Variants in TMEM245 observed in about 807,000 individuals in gnomAD.
The protein encoded by TMEM245 is protein CG-2.
TMEM245 carries 69 observed loss-of-function variants against 101.2 expected under a neutral mutation model. That is an observed-to-expected ratio of 0.68 (90% CI 0.56 to 0.83). TMEM245 has a LOEUF of 0.83. Ranked by LOEUF, TMEM245 falls within the 40% of genes least tolerant of loss-of-function variation. The probability of loss-of-function intolerance (pLI) is 0.00; values close to 1 mark genes in which losing one functional copy is unlikely to be tolerated. For synonymous variants in TMEM245, 537 were observed against 449.8 expected (o/e 1.19, Z -2.45); for missense variants, 1,075 against 1,092.8 (o/e 0.98, Z 0.23).
At chr9:109,072,169 G>A (rs1237696435) in intron 9 of TMEM245, among the ~76,000 whole-genome samples, 3 of 150,364 alleles carry the variant, frequency 2.0e-5, no homozygotes, top group Non-Finnish European at 4.4e-5. Flanking sequence ...GAGTAGAAAA[G>A]TCTCCGAATT....
rs756089716 is a variant in TMEM245 at position 109,057,159 on chromosome 9, A to C, written c.1854+32T>G. ...GAATTACAGTTTGTTTTTATTTTGA[A>C]CTTCAGCTTAACTATAAATGCTATT... is the stretch of plus-strand genomic sequence containing the variant. On this transcript the variant is annotated intron_variant, in intron 12 of 17. Coordinates refer to ENST00000374586, the MANE Select transcript of TMEM245 (RefSeq NM_032012.4). 14 of 1,598,938 alleles carry C rather than the reference A, an allele frequency of 8.8e-6. No homozygotes were observed. In the African/African-American group the frequency reaches 1.6e-4, roughly 18 times the overall value.
intron 12 of TMEM245, among the ~76,000 whole-genome samples, chr9:109,056,725 A>G (rs1324194867): frequency 2.0e-5 from 3 of 152,246 alleles, no homozygotes; most frequent in Admixed American, 1.3e-4. Flanking sequence ...GTGAAATTCT[A>G]CATGCAAGAC....
intron 7 of TMEM245, among the ~76,000 whole-genome samples, chr9:109,084,913 C>T (rs1829788031): frequency 6.6e-6 from 1 of 152,144 alleles, no homozygotes; most frequent in South Asian, 2.1e-4. Context: ...TCTCCCCTCT[C>T]CTCTATTTCA....
intron 14 of TMEM245, among the ~76,000 whole-genome samples, chr9:109,048,914 G>A (rs1399197912): frequency 6.6e-6 from 1 of 152,174 alleles, no homozygotes; most frequent in Non-Finnish European, 1.5e-5. Context: ...GATAAACAAC[G>A]ATTCTGCATT....
intron 8 of TMEM245, among the ~76,000 whole-genome samples, chr9:109,078,286 A>C (rs912001056): frequency 6.6e-6 from 1 of 152,096 alleles, no homozygotes; most frequent in Non-Finnish European, 1.5e-5. Context: ...CTTTAGTCAT[A>C]TTTGTTTAAA....
In TMEM245 at chr9:109,119,884, C is replaced by G. The variant is rs750339590; in HGVS notation, c.30G>C (p.Ala10=). 10 of 1,300,670 alleles carry G rather than the reference C, an allele frequency of 7.7e-6. No homozygotes were observed. The highest frequency in any genetic ancestry group is 9.7e-6 in the Non-Finnish European group (10 of 1,033,108). The allele number at this position is 1,300,670 out of a possible 1,614,324, so 80.6% of individuals were successfully genotyped here. The part of the protein sequence containing the change: MADGGGPKD[A]PSLRSSPGPA... ...GCCCGGGAGAGCTCCGCAGGCTTGG[C>G]GCGTCCTTAGGGCCGCCGCCGTCGG... The change falls in exon 1 of 18, where the codon GCG becomes GCC. Residue 10 remains alanine (A), a synonymous_variant. Transcript: ENST00000374586.
intron 12 of TMEM245, among the ~76,000 whole-genome samples, chr9:109,056,039 A>C (rs1406428066): frequency 2.6e-5 from 4 of 152,232 alleles, no homozygotes; most frequent in Admixed American, 2.6e-4. Flanking sequence ...ATCCATGTTA[A>C]AGGCCCAATA....
chr9:109,089,855 AT>A (rs562272157), intron 5 of TMEM245, among the ~76,000 whole-genome samples: 2 of 152,254 alleles, frequency 1.3e-5, no homozygotes, highest in South Asian at 4.1e-4. Flanking sequence ...ATGTAATTTA[AT>A]TTTTCTGCCA....
chr9:109,113,183 G>A (rs2439649), intron 1 of TMEM245, among the ~76,000 whole-genome samples: 82,882 of 152,016 alleles, frequency 0.55, 22,890 homozygotes, highest in Admixed American at 0.6. Context: ...ATTTTACTTG[G>A]GTCAACATTT....
Position 109,018,318 on chromosome 9 carries a change from C to T in TMEM245, c.*2142G>A, listed in dbSNP as rs1248679108. The T allele has an allele frequency of 6.6e-6, 1 of 152,134 alleles. No individual in the cohort carries two copies. The highest frequency in any genetic ancestry group is 6.5e-5 in the Admixed American group (1 of 15,276). 9.4% of individuals were successfully genotyped at this position (152,134 alleles called of 1,614,324 possible). A position where few individuals can be genotyped will look rare whatever the true frequency, so the allele number is the denominator to read the frequency against. ...AAATTTAGTATTACATATGATCTGG[C>T]TAAGAGCAAGAGGCCTTCTTATGAG... On this transcript the variant is annotated 3_prime_UTR_variant, in exon 18 of 18. Coordinates refer to ENST00000374586, the MANE Select transcript of TMEM245 (RefSeq NM_032012.4).
At chr9:109,030,419 T>A (rs957658550) in intron 17 of TMEM245, among the ~76,000 whole-genome samples, 1 of 152,232 alleles carries the variant, frequency 6.6e-6, no homozygotes, top group Admixed American at 6.5e-5. Flanking sequence ...AAAAGGTTTA[T>A]TACCTCTAAA....
intron 3 of TMEM245, among the ~76,000 whole-genome samples, chr9:109,105,804 C>T (rs1433250515): frequency 6.6e-6 from 1 of 152,068 alleles, no homozygotes; most frequent in Non-Finnish European, 1.5e-5. Context: ...CGGAGTCTCG[C>T]TCTGTTGCCA....
At chr9:109,037,427 T>C (rs902823334) in intron 15 of TMEM245, among the ~76,000 whole-genome samples, 6 of 152,186 alleles carry the variant, frequency 3.9e-5, no homozygotes, top group African/African-American at 7.2e-5. Flanking sequence ...CCCACCAAAA[T>C]CCCATGTCAA....
In TMEM245 at chr9:109,119,640, T is replaced by C; in HGVS notation, c.274A>G (p.Thr92Ala). The part of the protein sequence containing the change: ...RPLLWAVLCG[T>A]FLHPFKSSLT... ...GAGCTCTTGAAGGGGTGCAGAAAAG[T>C]GCCGCATAGCACGGCCCAGAGCAGC... Residue 92 changes from threonine (T) to alanine (A), a missense_variant, in exon 1 of 18, where the codon ACT becomes GCT. Physicochemically the swap from Thr to Ala is moderately conservative, Grantham distance 58 (BLOSUM62 0). This residue lies in a region of TMEM245 where 808 missense variants were observed against 741.5 expected (regional missense o/e 1.09). Coordinates refer to ENST00000374586, the MANE Select transcript of TMEM245 (RefSeq NM_032012.4). The C allele has an allele frequency of 1.3e-6, 2 of 1,563,918 alleles. No homozygotes were observed. The highest frequency in any genetic ancestry group is 1.7e-6 in the Non-Finnish European group (2 of 1,157,352).
chr9:109,072,652 T>C (rs1829370382), intron 9 of TMEM245, among the ~76,000 whole-genome samples: 1 of 152,168 alleles, frequency 6.6e-6, no homozygotes, highest in African/African-American at 2.4e-5. Flanking sequence ...GTGGCTGAAT[T>C]TGGCCCTGGG....
chr9:109,099,129 AG>A (rs1263746425), intron 3 of TMEM245, among the ~76,000 whole-genome samples: 7 of 152,194 alleles, frequency 4.6e-5, no homozygotes, highest in African/African-American at 1.7e-4. Flanking sequence ...CAGCCTGCAA[AG>A]TTCCCTTTGA....
At chr9:109,069,739 C>G (rs765766212) in intron 9 of TMEM245, among the ~76,000 whole-genome samples, 4 of 152,154 alleles carry the variant, frequency 2.6e-5, no homozygotes, top group Non-Finnish European at 5.9e-5. Flanking sequence ...ACAAACAAGG[C>G]TTCTCCATCT....
At chr9:109,109,139 A>G (rs1372775446) in intron 1 of TMEM245, among the ~76,000 whole-genome samples, 1 of 152,196 alleles carries the variant, frequency 6.6e-6, no homozygotes, top group South Asian at 2.1e-4. Flanking sequence ...CAGAGTTATG[A>G]TGCACCAGCT....
At chr9:109,087,008 C>G (rs907294475) in intron 6 of TMEM245, among the ~76,000 whole-genome samples, 165 bp downstream of exon 6, 1 of 152,184 alleles carries the variant, frequency 6.6e-6, no homozygotes, top group East Asian at 1.9e-4. Context: ...GTAAACCCAT[C>G]TTATCCTTGT....
Sources: gnomAD v4.1 joint callset for allele counts (sites outside exome capture counted in the v4.1 genomes callset) on GRCh38, gnomAD v4.1.1 for gene constraint, gnomAD v4.1.1 regional missense constraint, MANE v1.5 for transcripts, NCBI Gene and HGNC (gene_info 2026-07-23, HGNC 2026-07-21) for gene names.